Variants in EXOC6B observed in about 807,000 individuals in gnomAD.
The protein encoded by EXOC6B is exocyst complex component 6B.
In EXOC6B, 54 loss-of-function variants were observed where a neutral mutation model predicts 113.5. The ratio of observed to expected loss-of-function variants is 0.48; its 90% CI spans 0.38 to 0.60. The LOEUF (loss-of-function observed/expected upper bound fraction) is 0.60, where lower values mean the gene tolerates loss of function less well. Ranked by LOEUF, EXOC6B falls within the 20% of genes least tolerant of loss-of-function variation. EXOC6B has a pLI of 0.00. For missense variants in EXOC6B, 797 were observed against 977.5 expected (o/e 0.82, Z 2.46); for synonymous variants, 357 against 339.0 (o/e 1.05, Z -0.58).
intron 19 of EXOC6B, among the ~76,000 whole-genome samples, chr2:72,375,001 T>C (rs1691267748): frequency 6.6e-6 from 1 of 151,738 alleles, no homozygotes; most frequent in Non-Finnish European, 1.5e-5. Context: ...CACAAGGTCA[T>C]AAGGAAGTTG....
At chr2:72,726,012 C>G (rs1340445533) in intron 5 of EXOC6B, among the ~76,000 whole-genome samples, 1 of 152,086 alleles carries the variant, frequency 6.6e-6, no homozygotes, top group Non-Finnish European at 1.5e-5. Context: ...GTAACTAAAG[C>G]AGTATATATA....
chr2:72,206,904 A>T (rs924195060), intron 20 of EXOC6B, among the ~76,000 whole-genome samples: 22 of 152,200 alleles, frequency 1.4e-4, no homozygotes, highest in African/African-American at 4.6e-4. Flanking sequence ...TTTGCAAAAA[A>T]AATTCAGAAA....
chr2:72,622,972 A>G (rs1671835768), intron 6 of EXOC6B, among the ~76,000 whole-genome samples: 1 of 152,144 alleles, frequency 6.6e-6, no homozygotes, highest in Admixed American at 6.5e-5. Flanking sequence ...CTAGGATCCA[A>G]TCAAGATAAA....
chr2:72,298,355 C>T (rs1212644325), intron 20 of EXOC6B, among the ~76,000 whole-genome samples: 1 of 151,956 alleles, frequency 6.6e-6, no homozygotes, highest in Non-Finnish European at 1.5e-5. Context: ...TTTCTCCATC[C>T]CTTTATTTTG....
Position 72,671,791 on chromosome 2 carries a change from G to GAAAGAAAGAAAGAAAGAAAGAA in EXOC6B, c.669+46290_669+46311dup, listed in dbSNP as rs1553464078. On this transcript the variant is annotated intron_variant, in intron 6 of 21. Coordinates refer to ENST00000272427, the MANE Select transcript of EXOC6B (RefSeq NM_015189.3). ...AGAAAGAAAGAAAGAAAGAAAGAAAGAAAGAAAGAAAGAAAGAAAGAAAGA... is the reference window on the plus strand; with the variant it reads ...AGAAAGAAAGAAAGAAAGAAAGAAAGAAAGAAAGAAAGAAAGAAAGAAAAAGAAAGAAAGAAAGAAAGAAAGA... 1.9e-3 allele frequency among the ~76,000 whole-genome samples: 199 copies of GAAAGAAAGAAAGAAAGAAAGAA among 107,282 alleles called. 4 individuals carry two copies. Among genetic ancestry groups the GAAAGAAAGAAAGAAAGAAAGAA allele is most frequent in the African/African-American group, 7.5e-3 (175 of 23,430 alleles). 70.4% of individuals were successfully genotyped at this position (107,282 alleles called of 152,430 possible).
chr2:72,372,639 A>T (rs1325177088), intron 19 of EXOC6B, among the ~76,000 whole-genome samples: 1 of 152,066 alleles, frequency 6.6e-6, no homozygotes, highest in Non-Finnish European at 1.5e-5. Context: ...AGGTCAGGAG[A>T]TCGAGACCAT....
At chr2:72,684,775 T>C (rs77550933) in intron 6 of EXOC6B, among the ~76,000 whole-genome samples, 2 of 151,968 alleles carry the variant, frequency 1.3e-5, no homozygotes, top group East Asian at 1.9e-4. Context: ...TAATCTATAG[T>C]GGAAAAAATC....
chr2:72,709,246 C>T (rs191726020), intron 6 of EXOC6B, among the ~76,000 whole-genome samples: 1 of 152,064 alleles, frequency 6.6e-6, no homozygotes, highest in Non-Finnish European at 1.5e-5. Context: ...TTTCAGTTCC[C>T]TTAGCATTAT....
chr2:72,551,136 G>A (rs1703197730), intron 8 of EXOC6B, among the ~76,000 whole-genome samples: 1 of 152,062 alleles, frequency 6.6e-6, no homozygotes, highest in East Asian at 1.9e-4. Context: ...ACTAGTAAAT[G>A]TGTGATTAAA....
intron 6 of EXOC6B, among the ~76,000 whole-genome samples, chr2:72,629,338 C>A (rs1672250708): frequency 1.3e-5 from 2 of 152,214 alleles, no homozygotes; most frequent in South Asian, 4.1e-4. Flanking sequence ...CACCTCCCCA[C>A]ATGCACTGCT....
At chr2:72,798,910 G>T (rs1051916611) in intron 1 of EXOC6B, among the ~76,000 whole-genome samples, 11 of 152,090 alleles carry the variant, frequency 7.2e-5, no homozygotes, top group African/African-American at 2.7e-4. Context: ...TTATTTCCAG[G>T]TATAATTATA....
At chr2:72,433,333 G>C (rs1695661722) in intron 18 of EXOC6B, among the ~76,000 whole-genome samples, 1 of 152,114 alleles carries the variant, frequency 6.6e-6, no homozygotes, top group African/African-American at 2.4e-5. Context: ...TTTAAAGTCA[G>C]GTAGTGTGAT....
chr2:72,222,296 C>G (rs1175746307), intron 20 of EXOC6B, among the ~76,000 whole-genome samples: 1 of 152,158 alleles, frequency 6.6e-6, no homozygotes, highest in Non-Finnish European at 1.5e-5. Context: ...AGGGTTGGCT[C>G]TGTGTCCACA....
chr2:72,179,261 G>A lies in EXOC6B; in HGVS notation c.*74C>T. 5 of 1,461,498 alleles carry A rather than the reference G, an allele frequency of 3.4e-6. No homozygotes were observed. Among genetic ancestry groups the A allele is most frequent in the Non-Finnish European group, 4.5e-6 (5 of 1,098,968 alleles). The allele number at this position is 1,461,498 out of a possible 1,614,324, so 90.5% of individuals were successfully genotyped here. ...CTTTGAAGAAGAATGCACAAATGCAGGGTCAGCTGGGGCTGGACCCCAGAC... is the reference window on the plus strand; with the variant it reads ...CTTTGAAGAAGAATGCACAAATGCAAGGTCAGCTGGGGCTGGACCCCAGAC... On this transcript the variant is annotated 3_prime_UTR_variant, in exon 22 of 22. Transcript: ENST00000272427.
chr2:72,517,146 C>T (rs1013490343), intron 8 of EXOC6B, among the ~76,000 whole-genome samples: 3 of 152,148 alleles, frequency 2.0e-5, no homozygotes, highest in African/African-American at 7.2e-5. Flanking sequence ...TGGTGGACAG[C>T]TACTCAATTC....
At chr2:72,585,088 T>G (rs1453637331) in intron 6 of EXOC6B, among the ~76,000 whole-genome samples, 1 of 152,046 alleles carries the variant, frequency 6.6e-6, no homozygotes, top group Admixed American at 6.6e-5. Context: ...TCTAACATCA[T>G]ACCTAGAGAA....
intron 18 of EXOC6B, among the ~76,000 whole-genome samples, chr2:72,422,432 G>T (rs568126589): frequency 6.7e-6 from 1 of 149,842 alleles, no homozygotes; most frequent in Admixed American, 6.6e-5. Context: ...GGGCCTTGGA[G>T]AACCTTTATG....
intron 1 of EXOC6B, among the ~76,000 whole-genome samples, chr2:72,769,373 T>C (rs1683279477): frequency 6.6e-6 from 1 of 152,230 alleles, no homozygotes; most frequent in African/African-American, 2.4e-5. Context: ...TTAAAATTCA[T>C]GACAACAGTG....
chr2:72,641,922 C>T (rs547131735), intron 6 of EXOC6B, among the ~76,000 whole-genome samples: 5 of 152,360 alleles, frequency 3.3e-5, no homozygotes, highest in African/African-American at 7.2e-5. Flanking sequence ...CTGCAGCCTC[C>T]GCTGGTGATA....
Sources: allele counts gnomAD v4.1 joint callset (sites outside exome capture counted in the v4.1 genomes callset), GRCh38; gene constraint gnomAD v4.1.1; transcripts MANE v1.5; gene names NCBI Gene and HGNC (gene_info 2026-07-23, HGNC 2026-07-21).